OPCML: variants seen among roughly 807,000 people sequenced by gnomAD.
The protein encoded by OPCML is opioid binding protein/cell adhesion molecule like.
In OPCML, 13 loss-of-function variants were observed where a neutral mutation model predicts 37.8. The ratio of observed to expected loss-of-function variants is 0.34; its 90% CI spans 0.22 to 0.55. The LOEUF (loss-of-function observed/expected upper bound fraction) is 0.55, where lower values mean the gene tolerates loss of function less well. Among genes scored for constraint, OPCML ranks in the 20% least tolerant of loss-of-function variants. The probability of loss-of-function intolerance (pLI) is 0.91; values close to 1 mark genes in which losing one functional copy is unlikely to be tolerated. For synonymous variants in OPCML, 176 were observed against 168.8 expected, an observed-to-expected ratio of 1.04 and a Z score of -0.33; for missense variants, 341 against 435.6, an observed-to-expected ratio of 0.78 and a Z score of 1.93.
chr11:132,810,079 A>G (rs541637230), intron 2 of OPCML, among the ~76,000 whole-genome samples: 4 of 152,022 alleles, frequency 2.6e-5, no homozygotes, highest in African/African-American at 4.8e-5. Context: ...TCGAAGTCCT[A>G]ACCTCGTGAT....
At chr11:132,555,271 C>T (rs2096392607) in intron 3 of OPCML, among the ~76,000 whole-genome samples, 1 of 152,074 alleles carries the variant, frequency 6.6e-6, no homozygotes, top group African/African-American at 2.4e-5. Context: ...GACTCAGTTC[C>T]ACATGGCTGG....
At chr11:132,865,605 A>T (rs755349500) in intron 2 of OPCML, among the ~76,000 whole-genome samples, 11 of 152,182 alleles carry the variant, frequency 7.2e-5, no homozygotes, top group Non-Finnish European at 1.5e-4. Context: ...TGTTAAATGC[A>T]TGTAAGGCCA....
intron 1 of OPCML, among the ~76,000 whole-genome samples, chr11:133,513,435 G>T (rs986921256): frequency 4.6e-5 from 7 of 152,144 alleles, no homozygotes; most frequent in Non-Finnish European, 8.8e-5. Flanking sequence ...CTGTTTCCCA[G>T]CCAATCCCCA....
chr11:133,093,058 T>C (rs756078930), intron 1 of OPCML, among the ~76,000 whole-genome samples: 3 of 152,154 alleles, frequency 2.0e-5, no homozygotes, highest in Non-Finnish European at 4.4e-5. Flanking sequence ...ATAGTAACTA[T>C]AATAATTATT....
At chr11:132,687,405 T>C (rs1461346955) in intron 2 of OPCML, among the ~76,000 whole-genome samples, 1 of 96,000 alleles carries the variant, frequency 1.0e-5, no homozygotes, top group African/African-American at 6.3e-5. Flanking sequence ...TATATATATA[T>C]ATATATATAT....
chr11:132,436,770 T>A lies in OPCML; in HGVS notation c.653A>T (p.Tyr218Phe). 3 of 1,614,034 alleles carry A rather than the reference T, an allele frequency of 1.9e-6. No homozygotes were observed. Among genetic ancestry groups the A allele is most frequent in the Non-Finnish European group, 2.5e-6 (3 of 1,180,004 alleles). The change falls in exon 6 of 8, where the codon TAT becomes TTT. Residue 218 changes from tyrosine to phenylalanine, a missense_variant. By Grantham distance (22) the Tyr-to-Phe change is conservative. Transcript: ENST00000524381. ...ACCAGTGTTCTTGGCTTTTGAGATATAGGGAGGATCTGTGGGAAACACACA... is the reference window on the plus strand; with the variant it reads ...ACCAGTGTTCTTGGCTTTTGAGATAAAGGGAGGATCTGTGGGAAACACACA... ...KVKITVNYPP[Y>F]ISKAKNTGVS... is the part of the protein sequence containing the mutation.
intron 1 of OPCML, among the ~76,000 whole-genome samples, chr11:133,028,531 G>A (rs1486613339): frequency 2.2e-4 from 14 of 63,956 alleles, no homozygotes; most frequent in African/African-American, 1.0e-3. Flanking sequence ...GAGCGTGTGT[G>A]TGTGTGTGTG....
intron 1 of OPCML, among the ~76,000 whole-genome samples, chr11:132,945,504 G>A (rs1222453126): frequency 6.6e-6 from 1 of 152,002 alleles, no homozygotes; most frequent in Non-Finnish European, 1.5e-5. Context: ...TGCTCTGGGT[G>A]AGTCAGTGAG....
chr11:132,659,538 C>CAAGTGACTA (rs1941860866), intron 2 of OPCML, among the ~76,000 whole-genome samples: 1 of 152,114 alleles, frequency 6.6e-6, no homozygotes, highest in Non-Finnish European at 1.5e-5. Flanking sequence ...CCACACAACC[C>CAAGTGACTA]AAGTGACTAA....
At chr11:133,155,470 A>G (rs1255160279) in intron 1 of OPCML, among the ~76,000 whole-genome samples, 1 of 152,036 alleles carries the variant, frequency 6.6e-6, no homozygotes, top group Non-Finnish European at 1.5e-5. Flanking sequence ...CTTCCGTGAA[A>G]CCAGCTCCTG....
At chr11:132,903,986 A>T (rs1468235014) in intron 2 of OPCML, among the ~76,000 whole-genome samples, 1 of 152,234 alleles carries the variant, frequency 6.6e-6, no homozygotes, top group Non-Finnish European at 1.5e-5. Flanking sequence ...TCAAGGAAAC[A>T]TATTATCTTA....
At chr11:133,153,953 G>A (rs1950022088) in intron 1 of OPCML, among the ~76,000 whole-genome samples, 1 of 152,068 alleles carries the variant, frequency 6.6e-6, no homozygotes, top group Admixed American at 6.5e-5. Context: ...ACTTCTCACC[G>A]AGAACACGGA....
At chr11:133,350,221 G>T (rs1213576712) in intron 1 of OPCML, among the ~76,000 whole-genome samples, 1 of 152,186 alleles carries the variant, frequency 6.6e-6, no homozygotes, top group Non-Finnish European at 1.5e-5. Flanking sequence ...ATCAAAAGGA[G>T]AATATAATTT....
At chr11:133,434,238 T>C (rs936811046) in intron 1 of OPCML, among the ~76,000 whole-genome samples, 4 of 152,160 alleles carry the variant, frequency 2.6e-5, no homozygotes, top group African/African-American at 9.7e-5. Context: ...TTCTGTTTCC[T>C]CTACTCAAAA....
chr11:132,660,098 G>T (rs1941895106), intron 2 of OPCML, among the ~76,000 whole-genome samples: 1 of 152,090 alleles, frequency 6.6e-6, no homozygotes, highest in African/African-American at 2.4e-5. Context: ...AATTAAACAT[G>T]AAAAAGCAAA....
intron 3 of OPCML, among the ~76,000 whole-genome samples, chr11:132,638,529 G>T (rs1465981842): frequency 1.6e-4 from 24 of 152,142 alleles, no homozygotes; most frequent in Admixed American, 1.6e-3. Flanking sequence ...TATGGGTGTG[G>T]TTAAAAGATA....
rs540168929 is a variant in OPCML at position 132,513,018 on chromosome 11, T to C, written c.505+16043A>G. Among the ~76,000 whole-genome samples the C allele has an allele frequency of 3.0e-4, 45 of 152,224 alleles. No homozygotes were observed. The South Asian group carries it at 4.6e-3, about 15-fold the overall frequency. ...AAAAAGCCCTTGTTCTTCCCTTATGTTCACTGTCTGTTTAGCCATTCATGA... is the reference window on the plus strand; with the variant it reads ...AAAAAGCCCTTGTTCTTCCCTTATGCTCACTGTCTGTTTAGCCATTCATGA... On this transcript the variant is annotated intron_variant, in intron 4 of 7. Coordinates refer to ENST00000524381, the MANE Select transcript of OPCML (RefSeq NM_001012393.5).
At chr11:132,997,623 G>A (rs1264189958) in intron 1 of OPCML, among the ~76,000 whole-genome samples, 2 of 152,134 alleles carry the variant, frequency 1.3e-5, no homozygotes, top group Non-Finnish European at 2.9e-5. Context: ...CGTGGATGGT[G>A]GTGGGAGGAT....
At chr11:132,860,664 G>A (rs191461058) in intron 2 of OPCML, 2 of 152,112 alleles carry the variant, frequency 1.3e-5, no homozygotes, top group Admixed American at 6.5e-5. Context: ...GAGGCAGCAG[G>A]AAACGCAAAA....
Sources: allele counts gnomAD v4.1 joint callset (sites outside exome capture counted in the v4.1 genomes callset), GRCh38; gene constraint gnomAD v4.1.1; transcripts MANE v1.5; gene names NCBI Gene and HGNC (gene_info 2026-07-23, HGNC 2026-07-21).